SLC28A1: variants seen among roughly 807,000 people sequenced by gnomAD.
SLC28A1 encodes sodium/nucleoside cotransporter 1.
A neutral mutation model predicts 74.8 loss-of-function variants in SLC28A1; 64 were observed. The observed-to-expected ratio is 0.86, with a 90% CI of 0.70 to 1.05. SLC28A1 has a LOEUF of 1.05. Ranked by LOEUF, SLC28A1 falls within the 50% of genes least tolerant of loss-of-function variation. The pLI is 0.00. For missense variants in SLC28A1, 828 were observed against 822.8 expected (o/e 1.01, Z -0.08); for synonymous variants, 359 against 335.0 (o/e 1.07, Z -0.78).
chr15:84,909,388 A>G (rs1967799763), intron 9 of SLC28A1, among the ~76,000 whole-genome samples: 2 of 152,300 alleles, frequency 1.3e-5, no homozygotes, highest in Middle Eastern at 6.8e-3. Flanking sequence ...AATCTATTGT[A>G]CATTTACTGC....
chr15:84,970,817 G>C, the SLC28A1 span, among the ~76,000 whole-genome samples: 1 of 151,172 alleles, frequency 6.6e-6, no homozygotes, highest in Non-Finnish European at 1.5e-5. Flanking sequence ...GAGCAACATG[G>C]TGAGACCTCA....
chr15:84,897,922 A>G (rs1330481882), intron 6 of SLC28A1, among the ~76,000 whole-genome samples: 1 of 152,184 alleles, frequency 6.6e-6, no homozygotes, highest in Non-Finnish European at 1.5e-5. Context: ...ACTTAACATA[A>G]TGACCTCCAA....
chr15:84,889,655 CTTTT>C, intron 4 of SLC28A1, among the ~76,000 whole-genome samples: 4 of 149,972 alleles, frequency 2.7e-5, no homozygotes, highest in African/African-American at 7.4e-5. Flanking sequence ...TTTCCTTTTT[CTTTT>C]CTTTCCTTCC....
At chr15:84,935,662 G>A in intron 15 of SLC28A1, 144 bp downstream of exon 15, 1 of 707,862 alleles carries the variant, frequency 1.4e-6, no homozygotes, top group Non-Finnish European at 2.4e-6. Flanking sequence ...CTGTAGTCCT[G>A]GGAGACAGGA....
At chr15:84,910,212 A>G (rs1390831186) in intron 9 of SLC28A1, among the ~76,000 whole-genome samples, 1 of 152,162 alleles carries the variant, frequency 6.6e-6, no homozygotes, top group Non-Finnish European at 1.5e-5. Flanking sequence ...GTTTTCTGAG[A>G]CCAGTTCTGC....
At chr15:84,922,669 C>T (rs1437047272) in intron 11 of SLC28A1, among the ~76,000 whole-genome samples, 1 of 152,244 alleles carries the variant, frequency 6.6e-6, no homozygotes, top group African/African-American at 2.4e-5. Flanking sequence ...CCTAAGCAAG[C>T]GTGCCCCTCA....
chr15:84,950,501 A>G (rs1335004901), downstream of SLC28A1, among the ~76,000 whole-genome samples: 1 of 152,002 alleles, frequency 6.6e-6, no homozygotes, highest in Non-Finnish European at 1.5e-5. Flanking sequence ...AGGTGGGAAG[A>G]GTTCAAGATC....
At position 84,945,304 on chromosome 15, in the gene SLC28A1, G is replaced by A. The variant is rs2079164616; in HGVS notation, c.*104G>A. 2.8e-6 allele frequency: 3 copies of A among 1,053,052 alleles called. No homozygotes were observed. The highest frequency in any genetic ancestry group is 4.4e-6 in the Non-Finnish European group (3 of 683,166). The allele number at this position is 1,053,052 out of a possible 1,614,324, so 65.2% of individuals were successfully genotyped here. ...CAGAGCCCTCTTCAGGGAAGCCACA[G>A]GACTTAGACCCAGCTCAATCCCACA... On this transcript the variant is annotated 3_prime_UTR_variant, in exon 19 of 19. Coordinates refer to ENST00000394573, the MANE Select transcript of SLC28A1 (RefSeq NM_004213.5).
intron 9 of SLC28A1, among the ~76,000 whole-genome samples, chr15:84,909,383 A>G (rs956516000): frequency 6.6e-6 from 1 of 152,082 alleles, no homozygotes; most frequent in African/African-American, 2.4e-5. Context: ...ACAAAAATCT[A>G]TTGTACATTT....
intron 9 of SLC28A1, among the ~76,000 whole-genome samples, chr15:84,910,793 G>A (rs945677140): frequency 6.6e-6 from 1 of 152,164 alleles, no homozygotes; most frequent in Non-Finnish European, 1.5e-5. Context: ...AACCTCCCCA[G>A]GCAGCTGCGT....
At chr15:84,905,016 T>A (rs1203556650) in intron 7 of SLC28A1, among the ~76,000 whole-genome samples, 1 of 152,202 alleles carries the variant, frequency 6.6e-6, no homozygotes, top group African/African-American at 2.4e-5. Context: ...TAAGGAATTA[T>A]TAAATGCTCA....
chr15:84,892,140 A>G (rs572074911), intron 5 of SLC28A1, among the ~76,000 whole-genome samples: 137 of 152,250 alleles, frequency 9.0e-4, no homozygotes, highest in African/African-American at 3.1e-3. Flanking sequence ...GTTTGAGCCC[A>G]GGAGTTTGAG....
intron 15 of SLC28A1, chr15:84,938,503 T>C (rs528632648): frequency 2.0e-4 from 30 of 152,308 alleles, no homozygotes; most frequent in African/African-American, 6.7e-4. Context: ...TTTTAGTATG[T>C]ATGCTGCCGA....
chr15:84,888,041 C>A (rs906228107), intron 3 of SLC28A1, among the ~76,000 whole-genome samples, 185 bp downstream of exon 3: 1 of 152,166 alleles, frequency 6.6e-6, no homozygotes, highest in African/African-American at 2.4e-5. Context: ...ACAAGGCAGA[C>A]CCCTTTATTT....
the SLC28A1 span, among the ~76,000 whole-genome samples, chr15:84,959,188 C>T: frequency 4.0e-5 from 6 of 151,714 alleles, no homozygotes; most frequent in Non-Finnish European, 5.9e-5. Flanking sequence ...ATTGCAGCCT[C>T]GACCATCCCA....
At chr15:84,931,452 C>T (rs1971264273) in intron 12 of SLC28A1, among the ~76,000 whole-genome samples, 1 of 149,194 alleles carries the variant, frequency 6.7e-6, no homozygotes, top group South Asian at 2.2e-4. Context: ...TGAGACCATC[C>T]TGGCTAACAC....
intron 6 of SLC28A1, 136 bp from the exon 7 acceptor site, chr15:84,903,961 C>A: frequency 8.7e-7 from 1 of 1,151,378 alleles, no homozygotes; most frequent in Non-Finnish European, 1.3e-6. Context: ...AGAGCTGGTG[C>A]TCTTTCCACT....
chr15:84,905,774 G>A, intron 8 of SLC28A1, 122 bp downstream of exon 8: 1 of 788,988 alleles, frequency 1.3e-6, no homozygotes, highest in Non-Finnish European at 2.2e-6. Flanking sequence ...CTGGAGGGTG[G>A]GGTGGACTGG....
intron 15 of SLC28A1, among the ~76,000 whole-genome samples, chr15:84,941,512 G>GT (rs766522872): frequency 2.7e-3 from 396 of 148,200 alleles, no homozygotes; most frequent in African/African-American, 5.0e-3. Flanking sequence ...GCCGGGATTT[G>GT]TTTTTTTTTT....
Sources: gnomAD v4.1 joint callset for allele counts (sites outside exome capture counted in the v4.1 genomes callset) on GRCh38, gnomAD v4.1.1 for gene constraint, MANE v1.5 for transcripts, NCBI Gene and HGNC (gene_info 2026-07-23, HGNC 2026-07-21) for gene names.